The following MORC2 variants were observed in gnomAD, a reference collection of about 807,000 sequenced individuals.
The protein encoded by MORC2 is ATPase MORC2.
In MORC2, 30 loss-of-function variants were observed where a neutral mutation model predicts 136.0. That is an observed-to-expected ratio of 0.22 (90% CI 0.17 to 0.30). The LOEUF (loss-of-function observed/expected upper bound fraction) is 0.30, where lower values mean the gene tolerates loss of function less well. Among genes scored for constraint, MORC2 ranks in the 10% least tolerant of loss-of-function variants. The pLI, the probability that MORC2 is intolerant of heterozygous loss-of-function variation, is 1.00. For missense variants in MORC2, 922 were observed against 1,333.1 expected, an observed-to-expected ratio of 0.69 and a Z score of 4.80; for synonymous variants, 439 against 487.0, an observed-to-expected ratio of 0.90 and a Z score of 1.30.
rs371710965 is a variant in MORC2, at chr22:30,935,025, G to A, written c.1949C>T (p.Thr650Ile). ...GGCTGCCAAAGCAGGGAGCTTTGGG[G>A]TACTGCTGATGACAGGAGCCTTTCG... is the stretch of plus-strand genomic sequence containing the variant. ...QPRKAPVISS[T>I]PKLPALAARE... Residue 650 changes from threonine to isoleucine, a missense_variant, in exon 19 of 26, where the codon ACC (threonine) becomes ATC (isoleucine). Coordinates refer to ENST00000397641, the MANE Select transcript of MORC2 (RefSeq NM_001303256.3). 1.5e-4 allele frequency: 250 copies of A among 1,613,982 alleles called. No homozygotes were observed. The highest frequency in any genetic ancestry group is 2.1e-4 in the Non-Finnish European group (244 of 1,180,028).
intron 6 of MORC2, among the ~76,000 whole-genome samples, chr22:30,945,364 T>C (rs2040800861): frequency 2.6e-5 from 4 of 152,228 alleles, no homozygotes; most frequent in Non-Finnish European, 4.4e-5. Context: ...TTTGCTATGA[T>C]TAAGGCTCAG....
chr22:30,955,941 A>C (rs1285558017), intron 3 of MORC2, among the ~76,000 whole-genome samples: 1 of 140,046 alleles, frequency 7.1e-6, no homozygotes, highest in Non-Finnish European at 1.5e-5. Context: ...TGGGAGATGG[A>C]GGTTGCAGTG....
chr22:30,968,634 C>T lies in MORC2; in HGVS notation c.-745G>A, dbSNP rs1406823717. On this transcript the variant is annotated 5_prime_UTR_variant, in exon 1 of 26. Coordinates refer to ENST00000397641, the MANE Select transcript of MORC2 (RefSeq NM_001303256.3). ...CGCCCCCACGTCCCTCAGACAACAG[C>T]CTCAGCCTCCCAGGCCCTTCCCGGG... Among the ~76,000 whole-genome samples, 1 of 152,144 alleles carries T rather than the reference C, an allele frequency of 6.6e-6. No individual in the cohort carries two copies. Among genetic ancestry groups the T allele is most frequent in the African/African-American group, 2.4e-5 (1 of 41,424 alleles).
In MORC2 at chr22:30,937,960, G is replaced by A. The variant is rs754338828; in HGVS notation, c.1224C>T (p.Gly408=). The A allele has an allele frequency of 7.7e-5, 125 of 1,613,838 alleles. No homozygotes were observed. Among genetic ancestry groups the A allele is most frequent in the Non-Finnish European group, 9.0e-5 (106 of 1,180,002 alleles). Residue 408 remains glycine (G), a synonymous_variant, in exon 14 of 26, where the codon GGC becomes GGT. Coordinates refer to ENST00000397641, the MANE Select transcript of MORC2 (RefSeq NM_001303256.3). This position sits in a 1 kb window ranked among gnomAD's most constrained non-coding sequence, Gnocchi z 4.7. ...GPQLEGGMAC[G]GVVGVVDVPY... is the part of the protein sequence containing the mutation. ...GCACATCAACAACCCCAACAACCCC[G>A]CCACATGCCCTACAGGGAGAAAGAG...
rs1418827826 is a variant in MORC2 at position 30,926,274 on chromosome 22, G to C, written c.*529C>G. ...GACCAACTCTGACAGCTGCGAGAGA[G>C]AGAGCCCCTCCAATGTGGAACCTCC... On this transcript the variant is annotated 3_prime_UTR_variant, in exon 26 of 26. Coordinates refer to ENST00000397641, the MANE Select transcript of MORC2 (RefSeq NM_001303256.3). The C allele has an allele frequency of 6.6e-6, 1 of 152,336 alleles. No homozygotes were observed. Among genetic ancestry groups the C allele is most frequent in the African/African-American group, 2.4e-5 (1 of 41,398 alleles). The allele number at this position is 152,336 out of a possible 1,614,324, so 9.4% of individuals were successfully genotyped here.
chr22:30,948,844 CTG>C (rs1282700523), intron 5 of MORC2, among the ~76,000 whole-genome samples: 1 of 152,132 alleles, frequency 6.6e-6, no homozygotes, highest in Non-Finnish European at 1.5e-5. Flanking sequence ...TGGTAAGTGT[CTG>C]TTATTACCAT....
intron 6 of MORC2, among the ~76,000 whole-genome samples, chr22:30,945,253 C>G (rs539257299): frequency 6.6e-6 from 1 of 152,302 alleles, no homozygotes; most frequent in African/African-American, 2.4e-5. Flanking sequence ...TTCTCTCACT[C>G]AAGTATGCAG....
chr22:30,967,071 T>C (rs900747909), intron 1 of MORC2: 2 of 981,014 alleles, frequency 2.0e-6, no homozygotes, highest in Non-Finnish European at 2.4e-6. Flanking sequence ...CTTACCTTCA[T>C]CTCAAAAGTA....
In MORC2 at chr22:30,940,025, C is replaced by G; in HGVS notation, c.921G>C (p.Arg307=). The change falls in exon 11 of 26, where the codon CGG becomes CGC. Residue 307 remains arginine, a synonymous_variant. Transcript: ENST00000397641. ...ATGTCCGAGCTTTGCTCTCTGCCTC[C>G]CGCGCCTTCTCTTCAGCTGAAACCC... is the stretch of plus-strand genomic sequence containing the variant. The part of the protein sequence containing the change: ...HVARIAEEKA[R]EAESKARTLE... 1 of 1,613,810 alleles carries G rather than the reference C, an allele frequency of 6.2e-7. No homozygotes were observed. The highest frequency in any genetic ancestry group is 8.5e-7 in the Non-Finnish European group (1 of 1,180,034).
chr22:30,928,918 G>A (rs1048345154), intron 24 of MORC2, among the ~76,000 whole-genome samples: 6 of 152,118 alleles, frequency 3.9e-5, no homozygotes, highest in African/African-American at 4.8e-5. Context: ...TGACTTACTC[G>A]TAAATCACTG....
At chr22:30,965,189 G>A (rs1198222091) in intron 1 of MORC2, among the ~76,000 whole-genome samples, 3 of 152,176 alleles carry the variant, frequency 2.0e-5, no homozygotes, top group African/African-American at 7.2e-5. Flanking sequence ...TACATTTAAT[G>A]AGAAGTAAGC....
chr22:30,931,938 A>G (rs1243244916), intron 24 of MORC2, among the ~76,000 whole-genome samples: 5 of 152,244 alleles, frequency 3.3e-5, no homozygotes, highest in Admixed American at 3.3e-4. Context: ...ATGTCCACAC[A>G]TCACAAGTTT....
chr22:30,936,959 G>A lies in MORC2; in HGVS notation c.1577C>T (p.Ser526Phe). Residue 526 changes from serine to phenylalanine, a missense_variant, in exon 16 of 26, where the codon TCC becomes TTC. Physicochemically the swap from Ser to Phe is radical, Grantham distance 155. Coordinates refer to ENST00000397641, the MANE Select transcript of MORC2 (RefSeq NM_001303256.3). ...EKDYPDTWVC[S>F]MNPDPEQDRC... ...GTCCTGTTCAGGATCAGGGTTCATG[G>A]AGCAAACCCAGGTGTCAGGGTAATC... 1 of 1,614,080 alleles carries A rather than the reference G, an allele frequency of 6.2e-7. No individual in the cohort carries two copies. Among genetic ancestry groups the A allele is most frequent in the Non-Finnish European group, 8.5e-7 (1 of 1,179,974 alleles).
Position 30,940,059 on chromosome 22 carries a change from ACATGGTAAGAAATGCAAAGGTT to A in MORC2, c.905-40_905-19del, listed in dbSNP as rs1181853352. 3 of 1,611,900 alleles carry A rather than the reference ACATGGTAAGAAATGCAAAGGTT, an allele frequency of 1.9e-6. No individual in the cohort carries two copies. The African/African-American group carries it at 4.0e-5, about 22-fold the overall frequency. ...CTCTTCAGCTGAAACCCAGAAGAGA[ACATGGTAAGAAATGCAAAGGTT>A]CAAAACTCTTGGTCATCCCTCCTGG... On this transcript the variant is annotated intron_variant, in intron 10 of 25. Coordinates refer to ENST00000397641, the MANE Select transcript of MORC2 (RefSeq NM_001303256.3).
At chr22:30,955,332 G>T (rs888510980) in intron 3 of MORC2, among the ~76,000 whole-genome samples, 2 of 152,050 alleles carry the variant, frequency 1.3e-5, no homozygotes, top group African/African-American at 4.8e-5. Flanking sequence ...CTTTCTTCTA[G>T]AGAGAAAAGA....
chr22:30,936,502 C>A lies in MORC2; in HGVS notation c.1737+9G>T. ...GGCTGGCTTTGCCCACTGACCATGA[C>A]CCACGTACCTGAAGGGCCTCCAGCT... On this transcript the variant is annotated intron_variant, in intron 17 of 25. Transcript: ENST00000397641. 1.9e-6 allele frequency: 3 copies of A among 1,613,854 alleles called. No homozygotes were observed. The highest frequency in any genetic ancestry group is 2.5e-6 in the Non-Finnish European group (3 of 1,179,826).
chr22:30,967,508 C>T, intron 1 of MORC2: 1 of 1,118,392 alleles, frequency 8.9e-7, no homozygotes. Context: ...ATTTGGCGAT[C>T]CAATAGAGCA....
In MORC2 at chr22:30,966,981, G is replaced by C. The variant is rs554196167; in HGVS notation, c.68+841C>G. ...CTACATAATGGAAGTCTATACTCTC[G>C]ACTCTGAAGTGGGTTCTTCAGAGAC... On this transcript the variant is annotated intron_variant, in intron 1 of 25. Transcript: ENST00000397641. 1.1e-3 allele frequency: 569 copies of C among 531,784 alleles called. 1 individual carries two copies. The highest frequency in any genetic ancestry group is 1.3e-3 in the Non-Finnish European group (521 of 415,866). The allele number at this position is 531,784 out of a possible 1,614,324, so 32.9% of individuals were successfully genotyped here. A position where few individuals can be genotyped will look rare whatever the true frequency, so the allele number is the denominator to read the frequency against.
intron 24 of MORC2, among the ~76,000 whole-genome samples, chr22:30,929,639 TCAGGAGGCTGAGG>T (rs887959154): frequency 1.7e-4 from 26 of 151,988 alleles, no homozygotes; most frequent in South Asian, 2.1e-4. Context: ...TCCCAGCTAC[TCAGGAGGCTGAGG>T]CAGGAGGCTG....
Sources: gnomAD v4.1 joint callset for allele counts (sites outside exome capture counted in the v4.1 genomes callset) on GRCh38, gnomAD v4.1.1 for gene constraint, Gnocchi (gnomAD v3.1) non-coding constraint, MANE v1.5 for transcripts, NCBI Gene and HGNC (gene_info 2026-07-23, HGNC 2026-07-21) for gene names.